The following C5 variants were observed in gnomAD, a reference collection of about 807,000 sequenced individuals.
The protein encoded by C5 is complement C5.
A neutral mutation model predicts 218.8 loss-of-function variants in C5; 140 were observed. The ratio of observed to expected loss-of-function variants is 0.64; its 90% CI spans 0.56 to 0.74. C5 has a LOEUF of 0.74. Among genes scored for constraint, C5 ranks in the 30% least tolerant of loss-of-function variants. The pLI is 0.00. For synonymous variants in C5, 614 were observed against 682.3 expected (o/e 0.90, Z 1.56); for missense variants, 1,700 against 1,969.6 (o/e 0.86, Z 2.59).
chr9:121,064,461 GATTTCAGT>G, the C5 span, among the ~76,000 whole-genome samples: 1 of 152,056 alleles, frequency 6.6e-6, no homozygotes. Flanking sequence ...TAGACCCCAA[GATTTCAGT>G]ATTTCATCTG....
chr9:121,013,461 G>C (rs866106493), intron 17 of C5, among the ~76,000 whole-genome samples: 8 of 152,076 alleles, frequency 5.3e-5, no homozygotes, highest in Non-Finnish European at 8.8e-5. Flanking sequence ...CTTAACCTTA[G>C]GCTAGATTTA....
intron 30 of C5, among the ~76,000 whole-genome samples, chr9:120,972,275 T>G (rs2046920596): frequency 6.6e-6 from 1 of 152,230 alleles, no homozygotes. Context: ...TTCATTTACA[T>G]ATGGCTATGG....
chr9:121,049,961 C>T (rs1023931431), intron 1 of C5, among the ~76,000 whole-genome samples: 6 of 150,602 alleles, frequency 4.0e-5, no homozygotes, highest in African/African-American at 7.3e-5. Context: ...AATCACTTAA[C>T]GTAAATTTTA....
At chr9:121,027,835 T>C (rs1316398265) in intron 7 of C5, among the ~76,000 whole-genome samples, 2 of 152,102 alleles carry the variant, frequency 1.3e-5, no homozygotes, top group East Asian at 1.9e-4. Flanking sequence ...AAAGCCAAAA[T>C]TGACAAATGG....
At chr9:121,052,720 G>A (rs1341641755), upstream of C5, among the ~76,000 whole-genome samples, 1 of 152,090 alleles carries the variant, frequency 6.6e-6, no homozygotes, top group South Asian at 2.1e-4. Context: ...CTTCACTCCG[G>A]CCAAGGAGCT....
At chr9:120,953,080 C>T (rs186906230) in intron 40 of C5, among the ~76,000 whole-genome samples, 3 of 152,286 alleles carry the variant, frequency 2.0e-5, no homozygotes, top group East Asian at 3.9e-4. Context: ...CCTGCCACCA[C>T]GCCCGGCTAT....
chr9:121,009,266 G>A lies in C5; in HGVS notation c.2258-768C>T, dbSNP rs947749900. 1.6e-4 allele frequency among the ~76,000 whole-genome samples: 24 copies of A among 152,206 alleles called. 1 individual carries two copies. The highest frequency in any genetic ancestry group is 4.6e-4 in the African/African-American group (19 of 41,452). On this transcript the variant is annotated intron_variant, in intron 17 of 40. Coordinates refer to ENST00000223642, the MANE Select transcript of C5 (RefSeq NM_001735.3). Reference sequence around the variant, plus strand: ...CTTAATAGAAAACAAAACATGATATGCAAAATAACAGTTTTCAGACATTAG... The same window carrying A: ...CTTAATAGAAAACAAAACATGATATACAAAATAACAGTTTTCAGACATTAG...
At chr9:121,018,754 G>GAAGGAAAGAAAGA (rs1564154023) in intron 12 of C5, among the ~76,000 whole-genome samples, 1 of 107,272 alleles carries the variant, frequency 9.3e-6, no homozygotes, top group Non-Finnish European at 2.0e-5. Flanking sequence ...AGGAAGGAAG[G>GAAGGAAAGAAAGA]AAGGAAGGAA....
At chr9:121,052,400 A>G (rs1308636053), upstream of C5, among the ~76,000 whole-genome samples, 2 of 150,296 alleles carry the variant, frequency 1.3e-5, no homozygotes, top group African/African-American at 4.9e-5. Flanking sequence ...GAGGTTGAGC[A>G]CAGATCACGC....
the C5 span, among the ~76,000 whole-genome samples, chr9:121,058,627 T>C: frequency 5.3e-5 from 8 of 152,028 alleles, no homozygotes; most frequent in Non-Finnish European, 1.0e-4. Context: ...TTAGTAGAGA[T>C]GGGGTTTCAC....
At chr9:121,032,347 G>T in intron 5 of C5, 152 bp from the exon 6 acceptor site, 1 of 571,674 alleles carries the variant, frequency 1.7e-6, no homozygotes, top group Non-Finnish European at 3.1e-6. Flanking sequence ...TGATTTTTAA[G>T]CAATAAATAA....
intron 3 of C5, among the ~76,000 whole-genome samples, chr9:121,039,510 C>T (rs549385621): frequency 8.5e-5 from 13 of 152,100 alleles, no homozygotes; most frequent in East Asian, 3.9e-4. Context: ...TGGTGGCACG[C>T]GCCTGAATCC....
intron 22 of C5, among the ~76,000 whole-genome samples, chr9:120,992,370 C>T (rs767045505): frequency 5.9e-5 from 9 of 152,186 alleles, no homozygotes; most frequent in East Asian, 1.9e-4. Flanking sequence ...ATATATGTGA[C>T]GCTGGGCAAG....
chr9:120,966,087 A>G (rs1224640474), intron 33 of C5, among the ~76,000 whole-genome samples: 1 of 152,246 alleles, frequency 6.6e-6, no homozygotes, highest in Non-Finnish European at 1.5e-5. Flanking sequence ...GAATATTTGA[A>G]GGCAAAGAAG....
intron 11 of C5, among the ~76,000 whole-genome samples, chr9:121,020,558 G>C (rs1165689378): frequency 1.3e-5 from 2 of 152,236 alleles, no homozygotes; most frequent in Non-Finnish European, 2.9e-5. Context: ...AAGTAGTGGG[G>C]AGGTAGCACT....
intron 26 of C5, 68 bp from the exon 27 acceptor site, chr9:120,982,007 C>G: frequency 9.5e-7 from 1 of 1,057,662 alleles, no homozygotes; most frequent in Non-Finnish European, 1.5e-6. Flanking sequence ...CCTGATTCTA[C>G]TCTGTTTTTT....
intron 25 of C5, among the ~76,000 whole-genome samples, chr9:120,988,699 A>C (rs2047052704): frequency 6.6e-6 from 1 of 152,182 alleles, no homozygotes; most frequent in Admixed American, 6.5e-5. Flanking sequence ...GGCATGATCT[A>C]ACATATGTTT....
At chr9:121,060,941 A>C in the C5 span, among the ~76,000 whole-genome samples, 1,684 of 152,250 alleles carry the variant, frequency 0.011, 27 homozygotes, top group African/African-American at 0.038. Context: ...TAATCCCAGC[A>C]CTTTGGGATG....
At chr9:121,002,171 T>C (rs558994598) in intron 20 of C5, among the ~76,000 whole-genome samples, 8 of 146,656 alleles carry the variant, frequency 5.5e-5, no homozygotes, top group African/African-American at 1.5e-4. Flanking sequence ...TGTACATATA[T>C]GTATATATGT....
Sources: allele counts gnomAD v4.1 joint callset (sites outside exome capture counted in the v4.1 genomes callset), GRCh38; gene constraint gnomAD v4.1.1; transcripts MANE v1.5; gene names NCBI Gene and HGNC (gene_info 2026-07-23, HGNC 2026-07-21).